The following STARD13 variants were observed in gnomAD, a reference collection of about 807,000 sequenced individuals.
STARD13 encodes stAR-related lipid transfer protein 13.
In STARD13, 62 loss-of-function variants were observed where a neutral mutation model predicts 106.4. That is an observed-to-expected ratio of 0.58 (90% CI 0.48 to 0.72). STARD13 has a LOEUF of 0.72. Among genes scored for constraint, STARD13 ranks in the 30% least tolerant of loss-of-function variants. The probability of loss-of-function intolerance (pLI) is 0.00; values close to 1 mark genes in which losing one functional copy is unlikely to be tolerated. For synonymous variants in STARD13, 565 were observed against 553.0 expected (o/e 1.02, Z -0.31); for missense variants, 1,387 against 1,424.0 (o/e 0.97, Z 0.42).
At chr13:33,127,299 A>G in intron 6 of STARD13, 74 bp downstream of exon 6, 2 of 1,450,472 alleles carry the variant, frequency 1.4e-6, no homozygotes, top group Admixed American at 2.6e-5. Flanking sequence ...TCACAAAGTA[A>G]ACATGGAAGC....
chr13:33,387,404 C>G, the STARD13 span, among the ~76,000 whole-genome samples: 4 of 152,202 alleles, frequency 2.6e-5, no homozygotes. Flanking sequence ...ACATTCTAGT[C>G]TGTGCCCATG....
intron 5 of STARD13, among the ~76,000 whole-genome samples, chr13:33,128,348 A>C (rs1327398445): frequency 6.6e-6 from 1 of 152,178 alleles, no homozygotes; most frequent in South Asian, 2.1e-4. Context: ...GTGACACATC[A>C]CTGAACCACA....
the STARD13 span, among the ~76,000 whole-genome samples, chr13:33,546,621 AATTT>A: frequency 6.6e-6 from 1 of 151,726 alleles, no homozygotes; most frequent in Non-Finnish European, 1.5e-5. Context: ...TGATGAGCTA[AATTT>A]ATTTATTATT....
the STARD13 span, among the ~76,000 whole-genome samples, chr13:33,373,919 C>T: frequency 6.6e-6 from 1 of 152,088 alleles, no homozygotes; most frequent in Admixed American, 6.5e-5. Flanking sequence ...CCATATGATC[C>T]AGCAATTCCA....
the STARD13 span, among the ~76,000 whole-genome samples, chr13:33,356,236 G>A: frequency 6.6e-6 from 1 of 152,152 alleles, no homozygotes. Flanking sequence ...CCTTCAGACT[G>A]TCTGTTTTAT....
intron 1 of STARD13, among the ~76,000 whole-genome samples, chr13:33,303,304 C>G (rs572802907): frequency 5.9e-5 from 9 of 152,190 alleles, no homozygotes; most frequent in African/African-American, 2.2e-4. Flanking sequence ...GAACCTTTCT[C>G]TTGATCCAGC....
intron 1 of STARD13, chr13:33,336,647 T>C (rs928127264): frequency 6.6e-6 from 1 of 150,810 alleles, no homozygotes; most frequent in African/African-American, 2.4e-5. Flanking sequence ...TCCCAGCTAC[T>C]CAGGAGGCTG....
the STARD13 span, among the ~76,000 whole-genome samples, chr13:33,598,791 C>T: frequency 6.6e-6 from 1 of 152,252 alleles, no homozygotes; most frequent in Non-Finnish European, 1.5e-5. Context: ...CGTCCCTAAA[C>T]TTCTAAACAG....
At chr13:33,407,620 C>T in the STARD13 span, among the ~76,000 whole-genome samples, 1 of 151,902 alleles carries the variant, frequency 6.6e-6, no homozygotes, top group Non-Finnish European at 1.5e-5. Context: ...TTTTTAAAAG[C>T]ATATAATCTA....
chr13:33,381,047 C>T, the STARD13 span, among the ~76,000 whole-genome samples: 1 of 152,086 alleles, frequency 6.6e-6, no homozygotes, highest in African/African-American at 2.4e-5. Flanking sequence ...TGACTTTTTT[C>T]TAATTTTAGA....
chr13:33,436,883 A>C, the STARD13 span, among the ~76,000 whole-genome samples: 1 of 152,180 alleles, frequency 6.6e-6, no homozygotes, highest in African/African-American at 2.4e-5. Flanking sequence ...GTTTTGGAAC[A>C]CAAGAAAAAA....
the STARD13 span, among the ~76,000 whole-genome samples, chr13:33,433,772 C>A: frequency 9.2e-5 from 14 of 152,040 alleles, no homozygotes; most frequent in African/African-American, 3.4e-4. Context: ...GTCATGCCCA[C>A]CCTCTGAGTA....
At chr13:33,622,639 A>AAAAAG in the STARD13 span, among the ~76,000 whole-genome samples, 1 of 141,096 alleles carries the variant, frequency 7.1e-6, no homozygotes, top group Non-Finnish European at 1.5e-5. Context: ...AAAAAAAAAA[A>AAAAAG]GGCTGGGCGT....
At chr13:33,256,452 C>T (rs1890370702) in intron 1 of STARD13, among the ~76,000 whole-genome samples, 1 of 152,328 alleles carries the variant, frequency 6.6e-6, no homozygotes, top group Middle Eastern at 3.4e-3. Context: ...TTATTTACTC[C>T]TGTTCCTTCA....
At chr13:33,673,735 G>T in the STARD13 span, among the ~76,000 whole-genome samples, 2 of 151,636 alleles carry the variant, frequency 1.3e-5, no homozygotes, top group Admixed American at 6.6e-5. Flanking sequence ...TAGAGACAGG[G>T]TTTTGCCATG....
At chr13:33,605,673 A>C in the STARD13 span, among the ~76,000 whole-genome samples, 1 of 152,316 alleles carries the variant, frequency 6.6e-6, no homozygotes, top group African/African-American at 2.4e-5. Context: ...TGGTTGTCAA[A>C]GTTTTCAAAT....
exon 1 of STARD13, chr13:33,350,584 G>C: frequency 7.2e-7 from 1 of 1,389,106 alleles, no homozygotes; most frequent in Non-Finnish European, 9.3e-7. Flanking sequence ...TGCGCCACGC[G>C]CGAGGACCGG....
chr13:33,283,087 G>A (rs1273094445), intron 1 of STARD13, among the ~76,000 whole-genome samples: 1 of 152,132 alleles, frequency 6.6e-6, no homozygotes, highest in African/African-American at 2.4e-5. Flanking sequence ...GTGTTATTGG[G>A]TAGTAACTGG....
At chr13:33,657,635 T>C in the STARD13 span, among the ~76,000 whole-genome samples, 1 of 152,270 alleles carries the variant, frequency 6.6e-6, no homozygotes, top group African/African-American at 2.4e-5. Flanking sequence ...TCTTATAACA[T>C]AGGTATATAA....
Sources: allele counts gnomAD v4.1 joint callset (sites outside exome capture counted in the v4.1 genomes callset), GRCh38; gene constraint gnomAD v4.1.1; transcripts MANE v1.5; gene names NCBI Gene and HGNC (gene_info 2026-07-23, HGNC 2026-07-21).